The following BABAM2 variants were observed in gnomAD, a reference collection of about 807,000 sequenced individuals.
BABAM2 encodes the protein BRISC and BRCA1 A complex member 2.
BABAM2 carries 31 observed loss-of-function variants against 54.7 expected under a neutral mutation model. The ratio of observed to expected loss-of-function variants is 0.57; its 90% CI spans 0.43 to 0.77. BABAM2 has a LOEUF of 0.77. Ranked by LOEUF, BABAM2 falls within the 30% of genes least tolerant of loss-of-function variation. The pLI is 0.00. For missense variants in BABAM2, 364 were observed against 455.8 expected (o/e 0.80, Z 1.83); for synonymous variants, 167 against 162.9 (o/e 1.03, Z -0.19).
chr2:28,256,849 C>G (rs562485306), intron 10 of BABAM2, among the ~76,000 whole-genome samples: 4 of 152,178 alleles, frequency 2.6e-5, no homozygotes, highest in Non-Finnish European at 5.9e-5. Context: ...CGCACAGCAA[C>G]ACACCTGGCT....
intron 4 of BABAM2, among the ~76,000 whole-genome samples, chr2:28,004,057 C>T (rs1673769992): frequency 6.7e-6 from 1 of 148,668 alleles, no homozygotes; most frequent in African/African-American, 2.5e-5. Flanking sequence ...CAAGAATGGG[C>T]ACATTACAGA....
chr2:28,016,482 T>A (rs1278338030), intron 4 of BABAM2: 12 of 1,144,924 alleles, frequency 1.0e-5, no homozygotes, highest in Admixed American at 5.1e-5. Context: ...CACTTGCCCA[T>A]GGTGCTGGGC....
chr2:28,290,302 G>A (rs1439470928), intron 10 of BABAM2, among the ~76,000 whole-genome samples: 4 of 151,924 alleles, frequency 2.6e-5, no homozygotes, highest in East Asian at 1.9e-4. Context: ...CTTCTCCTGC[G>A]ATCTTTTTAC....
chr2:28,077,101 A>G (rs1199383618), intron 6 of BABAM2, among the ~76,000 whole-genome samples: 1 of 152,204 alleles, frequency 6.6e-6, no homozygotes, highest in Non-Finnish European at 1.5e-5. Flanking sequence ...AGAGACAAAC[A>G]CTAAAATTAC....
chr2:28,260,290 A>ATTTCT (rs1386295032), intron 10 of BABAM2, among the ~76,000 whole-genome samples: 2 of 117,974 alleles, frequency 1.7e-5, no homozygotes, highest in African/African-American at 6.3e-5. Context: ...TTAACTTTGT[A>ATTTCT]TTTCTTTTCT....
At chr2:28,287,005 C>T (rs147740571) in intron 10 of BABAM2, among the ~76,000 whole-genome samples, 2 of 152,132 alleles carry the variant, frequency 1.3e-5, no homozygotes, top group African/African-American at 4.8e-5. Flanking sequence ...AGTCATACTT[C>T]GCATTGGGGT....
At chr2:28,211,386 C>CTTTTTTTTTTTTTTTTTTTTT (rs770284745) in intron 7 of BABAM2, among the ~76,000 whole-genome samples, 3 of 96,892 alleles carry the variant, frequency 3.1e-5, no homozygotes, top group Admixed American at 1.5e-4. Context: ...TCCTTATTAT[C>CTTTTTTTTTTTTTTTTTTTTT]TTTTTTTTTT....
chr2:28,187,055 T>G (rs1676383443), intron 7 of BABAM2, among the ~76,000 whole-genome samples: 1 of 152,164 alleles, frequency 6.6e-6, no homozygotes, highest in South Asian at 2.1e-4. Context: ...TCTGTCCACC[T>G]CGGCCTCCCA....
intron 6 of BABAM2, among the ~76,000 whole-genome samples, chr2:28,098,084 A>T (rs1220450056): frequency 1.3e-5 from 2 of 152,210 alleles, no homozygotes; most frequent in Non-Finnish European, 2.9e-5. Context: ...ATGTTTTAGT[A>T]CCAATATCAA....
intron 2 of BABAM2, among the ~76,000 whole-genome samples, chr2:27,922,293 C>T (rs531300163): frequency 2.0e-5 from 3 of 152,218 alleles, no homozygotes; most frequent in Non-Finnish European, 4.4e-5. Flanking sequence ...TAACATAGCG[C>T]TTGACACTAG....
intron 7 of BABAM2, among the ~76,000 whole-genome samples, chr2:28,183,738 A>ATCTCTC (rs767679472): frequency 1.5e-4 from 17 of 113,598 alleles, no homozygotes; most frequent in African/African-American, 6.4e-4. Flanking sequence ...TTGGATGAAG[A>ATCTCTC]TCACACACAC....
intron 3 of BABAM2, among the ~76,000 whole-genome samples, chr2:27,957,400 T>C (rs1229427116): frequency 6.6e-6 from 1 of 152,174 alleles, no homozygotes; most frequent in African/African-American, 2.4e-5. Context: ...CCCCATTTTC[T>C]ACTAAACCAG....
intron 3 of BABAM2, among the ~76,000 whole-genome samples, chr2:27,981,368 A>G (rs972147620): frequency 6.6e-6 from 1 of 152,222 alleles, no homozygotes; most frequent in Admixed American, 6.5e-5. Context: ...ATACAATTAC[A>G]TACCGTGCAG....
intron 10 of BABAM2, among the ~76,000 whole-genome samples, chr2:28,248,498 C>T (rs915243700): frequency 9.9e-5 from 15 of 151,960 alleles, no homozygotes; most frequent in African/African-American, 2.4e-4. Flanking sequence ...CGTGAGCCAC[C>T]GCGCCTGGTC....
At chr2:28,044,945 A>G (rs1218529332) in intron 5 of BABAM2, among the ~76,000 whole-genome samples, 1 of 151,782 alleles carries the variant, frequency 6.6e-6, no homozygotes, top group Non-Finnish European at 1.5e-5. Flanking sequence ...GCACCTCTAG[A>G]TCTCTGCATG....
chr2:28,033,065 G>A (rs1471260359), intron 5 of BABAM2, among the ~76,000 whole-genome samples: 3 of 152,082 alleles, frequency 2.0e-5, no homozygotes, highest in South Asian at 2.1e-4. Context: ...ACTGCTACCC[G>A]TTTGAGCAGA....
At chr2:28,048,734 G>A (rs971014940) in intron 6 of BABAM2, among the ~76,000 whole-genome samples, 8 of 152,184 alleles carry the variant, frequency 5.3e-5, no homozygotes, top group African/African-American at 1.4e-4. Flanking sequence ...GGGAGAAATC[G>A]TGGTCCCCAG....
chr2:28,100,559 G>T (rs974007877), intron 6 of BABAM2, among the ~76,000 whole-genome samples: 1 of 151,572 alleles, frequency 6.6e-6, no homozygotes, highest in East Asian at 1.9e-4. Context: ...CGTTCCTGCC[G>T]TTGTGAGCAG....
chr2:28,280,528 C>A (rs933562970), intron 10 of BABAM2, among the ~76,000 whole-genome samples: 3 of 152,146 alleles, frequency 2.0e-5, no homozygotes, highest in Non-Finnish European at 4.4e-5. Flanking sequence ...AACTGCTCTG[C>A]TCTTTAAACC....
Sources: gnomAD v4.1 joint callset for allele counts (sites outside exome capture counted in the v4.1 genomes callset) on GRCh38, gnomAD v4.1.1 for gene constraint, MANE v1.5 for transcripts, NCBI Gene and HGNC (gene_info 2026-07-23, HGNC 2026-07-21) for gene names.